KIF1B: variants seen among roughly 807,000 people sequenced by gnomAD.
KIF1B encodes kinesin-like protein KIF1B.
In KIF1B, 76 loss-of-function variants were observed where a neutral mutation model predicts 241.9. The ratio of observed to expected loss-of-function variants is 0.31; its 90% CI spans 0.26 to 0.38. The LOEUF (loss-of-function observed/expected upper bound fraction) is 0.38, where lower values mean the gene tolerates loss of function less well. Ranked by LOEUF, KIF1B falls within the 10% of genes least tolerant of loss-of-function variation. KIF1B has a pLI of 1.00. For missense variants in KIF1B, 1,622 were observed against 2,271.4 expected, an observed-to-expected ratio of 0.71 and a Z score of 5.81; for synonymous variants, 750 against 796.7, an observed-to-expected ratio of 0.94 and a Z score of 0.99.
chr1:10,377,125 G>GA lies in KIF1B; in HGVS notation c.*545dup, dbSNP rs955399453. The GA allele has an allele frequency of 2.5e-5, 6 of 239,662 alleles. No individual in the cohort carries two copies. The highest frequency in any genetic ancestry group is 1.5e-4 in the Admixed American group (3 of 19,390). 14.8% of individuals were successfully genotyped at this position (239,662 alleles called of 1,614,324 possible). On this transcript the variant is annotated 3_prime_UTR_variant, in exon 49 of 49. Transcript: ENST00000676179. ...ATCTGGCCTTTTTAGAACCTGAGAG[G>GA]AAAAAAAGAGTCTTTTTTTCCCCTC...
chr1:10,221,556 G>T (rs570619747), intron 1 of KIF1B, among the ~76,000 whole-genome samples: 1 of 152,194 alleles, frequency 6.6e-6, no homozygotes, highest in East Asian at 1.9e-4. Context: ...TATATCCATT[G>T]TCAGCAGCAC....
intron 34 of KIF1B, chr1:10,344,701 G>C (rs1652525285): frequency 6.6e-6 from 1 of 152,190 alleles, no homozygotes; most frequent in South Asian, 2.1e-4. Context: ...GCTGAATACT[G>C]CTGATAGGGT....
intron 45 of KIF1B, among the ~76,000 whole-genome samples, chr1:10,372,658 ACAGAGCTGT>A (rs1340805294): frequency 2.4e-4 from 28 of 116,662 alleles, no homozygotes; most frequent in Non-Finnish European, 4.7e-4. Context: ...AGCTTGGGTG[ACAGAGCTGT>A]CACCCAAGCT....
chr1:10,368,445 C>T (rs749905931), intron 43 of KIF1B, 22 bp from the exon 44 acceptor site: 3 of 1,603,554 alleles, frequency 1.9e-6, no homozygotes, highest in South Asian at 1.1e-5. Context: ...GTTCAGCTTG[C>T]ACTTCTCTTT....
At chr1:10,290,965 T>C in intron 15 of KIF1B, 117 bp from the exon 16 acceptor site, 1 of 742,538 alleles carries the variant, frequency 1.3e-6, no homozygotes. Flanking sequence ...GAAAAATCTC[T>C]TTACATTTAA....
At chr1:10,276,292 G>C in intron 11 of KIF1B, 29 bp from the exon 12 acceptor site, 1 of 1,523,456 alleles carries the variant, frequency 6.6e-7, no homozygotes, top group East Asian at 2.3e-5. Context: ...AAATGAGTGT[G>C]ATTTGATACT....
At chr1:10,287,888 T>A (rs935815520) in intron 15 of KIF1B, among the ~76,000 whole-genome samples, 1 of 152,226 alleles carries the variant, frequency 6.6e-6, no homozygotes, top group Non-Finnish European at 1.5e-5. Context: ...TATGTCAGTT[T>A]GTATTCCATA....
At chr1:10,261,091 T>G (rs1268617427) in intron 4 of KIF1B, among the ~76,000 whole-genome samples, 1 of 142,854 alleles carries the variant, frequency 7.0e-6, no homozygotes, top group Non-Finnish European at 1.5e-5. Context: ...CTTAGCCTCC[T>G]GAGTAGCTGG....
intron 1 of KIF1B, among the ~76,000 whole-genome samples, chr1:10,220,397 TGATAGATA>T (rs5772398): frequency 0.028 from 4,072 of 144,144 alleles, 82 homozygotes; most frequent in East Asian, 0.078. Context: ...GATAGATAGA[TGATAGATA>T]GATAGATAGA....
At chr1:10,272,355 A>G (rs547233484) in intron 9 of KIF1B, 49 bp downstream of exon 9, 2 of 1,079,496 alleles carry the variant, frequency 1.9e-6, no homozygotes, top group South Asian at 2.5e-5. Flanking sequence ...TTCAGCAAAT[A>G]TACTTGATGA....
At chr1:10,307,959 G>A (rs1650908431) in intron 22 of KIF1B, 1 of 1,054,836 alleles carries the variant, frequency 9.5e-7, no homozygotes, top group Non-Finnish European at 1.1e-6. Context: ...TGTGATGAAT[G>A]GGAATTGTTT....
At chr1:10,343,898 G>T (rs1445619411) in intron 34 of KIF1B, among the ~76,000 whole-genome samples, 1 of 152,128 alleles carries the variant, frequency 6.6e-6, no homozygotes, top group African/African-American at 2.4e-5. Flanking sequence ...TTTCTGCTTT[G>T]CATGTAACTT....
At chr1:10,234,186 T>A (rs770319617) in intron 2 of KIF1B, among the ~76,000 whole-genome samples, 60 of 151,834 alleles carry the variant, frequency 4.0e-4, no homozygotes, top group Non-Finnish European at 2.2e-4. Context: ...CACAGAGTTA[T>A]ACCATGGGAC....
chr1:10,343,244 G>C lies in KIF1B; in HGVS notation c.3645G>C (p.Pro1215=), dbSNP rs147318592. The C allele has an allele frequency of 6.2e-7, 1 of 1,614,142 alleles. No individual in the cohort carries two copies. Residue 1215 remains proline, a synonymous_variant, in exon 34 of 49, where the codon CCG becomes CCC. Coordinates refer to ENST00000676179, the MANE Select transcript of KIF1B (RefSeq NM_001365951.3). The part of the protein sequence containing the change: ...QGQELNSPPQ[P]CRRFFPPPMP... Reference sequence around the variant, plus strand: ...CCTTTCTTTGCAGTCCGCCTCAGCCGTGCCGCCGATTCTTCCCTCCACCCA... The same window carrying C: ...CCTTTCTTTGCAGTCCGCCTCAGCCCTGCCGCCGATTCTTCCCTCCACCCA...
At position 10,376,702 on chromosome 1, in the gene KIF1B, T is replaced by C. The variant is rs2102366047; in HGVS notation, c.*115T>C. 9.7e-7 allele frequency: 1 copy of C among 1,030,202 alleles called. No individual in the cohort carries two copies. The highest frequency in any genetic ancestry group is 2.4e-5 in the East Asian group (1 of 41,788). 63.8% of individuals were successfully genotyped at this position (1,030,202 alleles called of 1,614,324 possible). On this transcript the variant is annotated 3_prime_UTR_variant, in exon 49 of 49. Coordinates refer to ENST00000676179, the MANE Select transcript of KIF1B (RefSeq NM_001365951.3). The stretch of plus-strand genomic sequence containing the variant: ...GTATGTAATCCTGTGGCTTAACTAC[T>C]TCTCCCTCCTTGTCCAGCACTTTTC...
intron 1 of KIF1B, among the ~76,000 whole-genome samples, chr1:10,219,708 A>C (rs1245020884): frequency 1.3e-5 from 2 of 151,766 alleles, no homozygotes; most frequent in Admixed American, 6.6e-5. Flanking sequence ...TTGTAAGCTG[A>C]GATCGTGCCA....
At chr1:10,220,972 T>C (rs747246959) in intron 1 of KIF1B, among the ~76,000 whole-genome samples, 10 of 151,624 alleles carry the variant, frequency 6.6e-5, no homozygotes, top group South Asian at 6.3e-4. Flanking sequence ...CAGATAGTAG[T>C]TAAAACATTT....
intron 13 of KIF1B, 50 bp from the exon 14 acceptor site, chr1:10,279,047 T>C (rs1406972452): frequency 7.1e-7 from 1 of 1,418,436 alleles, no homozygotes; most frequent in Non-Finnish European, 9.7e-7. Context: ...GTGTCACTGC[T>C]GAACCTGAAC....
rs142503982 is a variant in KIF1B, at chr1:10,350,754, G to T, written c.3950-1877G>T. 2.2e-3 allele frequency among the ~76,000 whole-genome samples: 335 copies of T among 152,114 alleles called. 1 individual carries two copies. Among genetic ancestry groups the T allele is most frequent in the African/African-American group, 7.7e-3 (321 of 41,502 alleles). ...ATTTTTTTCCCCATCCAAGCTCAAG[G>T]ACCCTCTGAATTCTGTCCACAGAGT... On this transcript the variant is annotated intron_variant, in intron 37 of 48. Transcript: ENST00000676179.
Sources: gnomAD v4.1 joint callset for allele counts (sites outside exome capture counted in the v4.1 genomes callset) on GRCh38, gnomAD v4.1.1 for gene constraint, MANE v1.5 for transcripts, NCBI Gene and HGNC (gene_info 2026-07-23, HGNC 2026-07-21) for gene names.